METTL16: variants seen among roughly 807,000 people sequenced by gnomAD.
METTL16 encodes RNA N(6)-adenosine-methyltransferase METTL16.
Under a neutral mutation model 57.9 loss-of-function variants are expected in METTL16, and 19 were observed. The observed-to-expected ratio is 0.33, with a 90% CI of 0.23 to 0.48. METTL16 has a LOEUF of 0.48. Among genes scored for constraint, METTL16 ranks in the 20% least tolerant of loss-of-function variants. METTL16 has a pLI of 0.99. For synonymous variants in METTL16, 246 were observed against 255.6 expected (o/e 0.96, Z 0.36); for missense variants, 434 against 691.5 (o/e 0.63, Z 4.18).
At chr17:2,424,894 G>T (rs1468488042) in intron 8 of METTL16, among the ~76,000 whole-genome samples, 1 of 151,884 alleles carries the variant, frequency 6.6e-6, no homozygotes. Flanking sequence ...CTTGCAGCGA[G>T]CAGAGATCGC....
intron 6 of METTL16, among the ~76,000 whole-genome samples, chr17:2,443,092 G>A (rs1327458951): frequency 6.6e-6 from 1 of 151,938 alleles, no homozygotes. Flanking sequence ...GGGCTCAAGC[G>A]ATTTTCCCGC....
intron 2 of METTL16, among the ~76,000 whole-genome samples, chr17:2,490,863 C>T (rs2067382158): frequency 6.6e-6 from 1 of 152,054 alleles, no homozygotes; most frequent in Non-Finnish European, 1.5e-5. Context: ...ATTCAACTTA[C>T]AAAATGATGA....
intron 1 of METTL16, among the ~76,000 whole-genome samples, chr17:2,506,680 G>A (rs942919502): frequency 1.3e-5 from 2 of 152,258 alleles, no homozygotes; most frequent in Admixed American, 6.5e-5. Context: ...GCAAAGTGCC[G>A]AGATTGCAGC....
chr17:2,433,488 T>A (rs1391944974), intron 8 of METTL16, among the ~76,000 whole-genome samples: 1 of 152,082 alleles, frequency 6.6e-6, no homozygotes, highest in Non-Finnish European at 1.5e-5. Context: ...ATAAGCAAGA[T>A]GTGAGGCCAT....
chr17:2,447,804 G>A (rs2067019787), intron 6 of METTL16, among the ~76,000 whole-genome samples: 1 of 112,190 alleles, frequency 8.9e-6, no homozygotes, highest in African/African-American at 4.3e-5. Flanking sequence ...GAGGGAGGTG[G>A]GGGGGTCAGC....
intron 6 of METTL16, among the ~76,000 whole-genome samples, chr17:2,448,781 T>TAAAAAAAAAAAAAAAAAAAAAAAAAAAA (rs1369462081): frequency 3.0e-5 from 1 of 33,696 alleles, no homozygotes; most frequent in African/African-American, 9.8e-5. Context: ...AATAAAAAAA[T>TAAAAAAAAAAAAAAAAAAAAAAAAAAAA]AAAAAAATAA....
At chr17:2,434,897 T>C (rs2066898563) in intron 8 of METTL16, among the ~76,000 whole-genome samples, 1 of 151,906 alleles carries the variant, frequency 6.6e-6, no homozygotes, top group Non-Finnish European at 1.5e-5. Context: ...ACACCAAGAG[T>C]GAACAACTCA....
At position 2,502,344 on chromosome 17, in the gene METTL16, AAGAG is replaced by A. The variant is rs759477536; in HGVS notation, c.1-17_1-14del. The A allele has an allele frequency of 5.6e-6, 9 of 1,609,532 alleles. No individual in the cohort carries two copies. The East Asian group carries it at 1.6e-4, about 28-fold the overall frequency. ...TACTCAGAGCCATCTTAAGGAGAGA[AAGAG>A]AGAAAGAAAATCAGCATATTTATTA... On this transcript the variant is annotated splice_polypyrimidine_tract_variant and intron_variant, in intron 1 of 9. Coordinates refer to ENST00000263092, the MANE Select transcript of METTL16 (RefSeq NM_024086.4).
chr17:2,451,475 A>G (rs1025654820), intron 6 of METTL16, among the ~76,000 whole-genome samples: 1 of 152,076 alleles, frequency 6.6e-6, no homozygotes, highest in East Asian at 1.9e-4. Flanking sequence ...AAAAAAATTT[A>G]GCTGGTGTGG....
chr17:2,492,963 T>TAA (rs923260859), intron 2 of METTL16, among the ~76,000 whole-genome samples: 10 of 150,730 alleles, frequency 6.6e-5, no homozygotes, highest in African/African-American at 2.2e-4. Context: ...GACTGATACT[T>TAA]AACAAGACTA....
rs1170060886 is a variant in METTL16 at position 2,477,888 on chromosome 17, G to A, written c.129-3C>T. On this transcript the variant is annotated splice_polypyrimidine_tract_variant and splice_region_variant and intron_variant, in intron 2 of 9. Transcript: ENST00000263092. ...CTTCGGGGTCTTTAAAATTAAGGCTGAGGAATAAAGAAAAGGAAGTAAAAC... is the reference window on the plus strand; with the variant it reads ...CTTCGGGGTCTTTAAAATTAAGGCTAAGGAATAAAGAAAAGGAAGTAAAAC... 1 of 1,611,182 alleles carries A rather than the reference G, an allele frequency of 6.2e-7. No homozygotes were observed. Among genetic ancestry groups the A allele is most frequent in the South Asian group, 1.1e-5 (1 of 90,980 alleles).
intron 2 of METTL16, among the ~76,000 whole-genome samples, chr17:2,481,689 C>A (rs2067308035): frequency 6.6e-6 from 1 of 152,084 alleles, no homozygotes; most frequent in South Asian, 2.1e-4. Flanking sequence ...GACCCCCTTG[C>A]AGATAACTGG....
intron 6 of METTL16, among the ~76,000 whole-genome samples, chr17:2,456,911 C>G (rs1397987345): frequency 1.3e-5 from 2 of 150,164 alleles, no homozygotes; most frequent in South Asian, 4.2e-4. Context: ...CCTCAGCCTG[C>G]CATGTAGCTG....
At chr17:2,435,486 A>G (rs1464968893) in intron 8 of METTL16, among the ~76,000 whole-genome samples, 3 of 152,178 alleles carry the variant, frequency 2.0e-5, no homozygotes, top group African/African-American at 7.2e-5. Flanking sequence ...ATGGCTAAAT[A>G]AAAACCTCGT....
intron 1 of METTL16, among the ~76,000 whole-genome samples, chr17:2,505,686 C>G (rs151291302): frequency 2.2e-4 from 33 of 152,190 alleles, no homozygotes; most frequent in Middle Eastern, 3.4e-3. Context: ...ACCACCGCAC[C>G]TGGTTTACAG....
rs2066735047 is a variant in METTL16, at chr17:2,418,220, AC to A, written c.*1749del. 1 of 152,100 alleles carries A rather than the reference AC, an allele frequency of 6.6e-6. No individual in the cohort carries two copies. Among genetic ancestry groups the A allele is most frequent in the African/African-American group, 2.4e-5 (1 of 41,372 alleles). 9.4% of individuals were successfully genotyped at this position (152,100 alleles called of 1,614,324 possible). A position where few individuals can be genotyped will look rare whatever the true frequency, so the allele number is the denominator to read the frequency against. On this transcript the variant is annotated 3_prime_UTR_variant, in exon 10 of 10. Transcript: ENST00000263092. ...AATACACACACACACACACACACAC[AC>A]ACATGCTCACAGAGCTTTTAGAAGT...
At chr17:2,492,640 C>T (rs1457725395) in intron 2 of METTL16, among the ~76,000 whole-genome samples, 1 of 151,988 alleles carries the variant, frequency 6.6e-6, no homozygotes, top group African/African-American at 2.4e-5. Flanking sequence ...ACCTGTAATC[C>T]CAGCACTTTG....
At chr17:2,447,799 A>T (rs1486502934) in intron 6 of METTL16, among the ~76,000 whole-genome samples, 1 of 66,718 alleles carries the variant, frequency 1.5e-5, no homozygotes, top group South Asian at 6.2e-4. Flanking sequence ...TCCGGGAGGG[A>T]GGTGGGGGGG....
At chr17:2,483,023 TAA>T (rs55710404) in intron 2 of METTL16, among the ~76,000 whole-genome samples, 50 of 143,968 alleles carry the variant, frequency 3.5e-4, no homozygotes, top group African/African-American at 1.1e-3. Context: ...CATATAGTGT[TAA>T]AAAAAAAAAG....
Sources: gnomAD v4.1 joint callset for allele counts (sites outside exome capture counted in the v4.1 genomes callset) on GRCh38, gnomAD v4.1.1 for gene constraint, MANE v1.5 for transcripts, NCBI Gene and HGNC (gene_info 2026-07-23, HGNC 2026-07-21) for gene names.